TERF2: variants seen among roughly 807,000 people sequenced by gnomAD.
The protein encoded by TERF2 is telomeric repeat binding factor 2, also known as telomeric repeat-binding factor 2.
A neutral mutation model predicts 56.1 loss-of-function variants in TERF2; 16 were observed. That is an observed-to-expected ratio of 0.29 (90% CI 0.19 to 0.43). The LOEUF is 0.43. Ranked by LOEUF, TERF2 falls within the 20% of genes least tolerant of loss-of-function variation. The pLI is 1.00. For missense variants in TERF2, 547 were observed against 712.9 expected (o/e 0.77, Z 2.65); for synonymous variants, 296 against 282.1 (o/e 1.05, Z -0.50).
intron 5 of TERF2, among the ~76,000 whole-genome samples, chr16:69,368,843 A>AT (rs1447735141): frequency 6.6e-6 from 1 of 151,828 alleles, no homozygotes; most frequent in Non-Finnish European, 1.5e-5. Context: ...TGTCCAGTTA[A>AT]TTTTTGTATT....
At chr16:69,378,033 G>T (rs1320569171) in intron 3 of TERF2, among the ~76,000 whole-genome samples, 1 of 152,070 alleles carries the variant, frequency 6.6e-6, no homozygotes, top group Non-Finnish European at 1.5e-5. Context: ...TGTTAGCTGT[G>T]GGCTTTTTGT....
intron 3 of TERF2, among the ~76,000 whole-genome samples, chr16:69,375,535 T>C (rs1224325636): frequency 2.6e-5 from 4 of 152,222 alleles, no homozygotes; most frequent in Non-Finnish European, 4.4e-5. Context: ...CATCTCTATT[T>C]AAAAAACAGA....
intron 3 of TERF2, among the ~76,000 whole-genome samples, chr16:69,380,603 G>A (rs1209613138): frequency 2.0e-5 from 3 of 149,990 alleles, no homozygotes; most frequent in Non-Finnish European, 1.5e-5. Flanking sequence ...CTTGCAGTAA[G>A]CCGAGATCAC....
In TERF2 at chr16:69,370,645, A is replaced by G. The variant is rs757615528; in HGVS notation, c.694-16T>C. 6.3e-7 allele frequency: 1 copy of G among 1,588,858 alleles called. No individual in the cohort carries two copies. Among genetic ancestry groups the G allele is most frequent in the Non-Finnish European group, 8.6e-7 (1 of 1,167,200 alleles). ...TTCTCAGCTTCTACACAATGGACCG[A>G]TATTTGCAACATGAGAAAGTAGAAC... is the stretch of plus-strand genomic sequence containing the variant. On this transcript the variant is annotated splice_polypyrimidine_tract_variant and intron_variant, in intron 4 of 9. Transcript: ENST00000254942.
chr16:69,356,520 G>A lies in TERF2; in HGVS notation c.*378C>T, dbSNP rs532160283. On this transcript the variant is annotated 3_prime_UTR_variant, in exon 10 of 10. Transcript: ENST00000254942. ...CCAGCTTCTGAAAGAAACAGCAGAT[G>A]CCAGGCGCGGTGGCTCATGCCTGTA... 3.1e-4 allele frequency: 83 copies of A among 269,456 alleles called. No individual in the cohort carries two copies. Among genetic ancestry groups the A allele is most frequent in the African/African-American group, 1.8e-3 (78 of 44,416 alleles). The allele number at this position is 269,456 out of a possible 1,614,324, so 16.7% of individuals were successfully genotyped here.
chr16:69,383,904 G>T (rs1020886835), intron 3 of TERF2, among the ~76,000 whole-genome samples: 1 of 152,076 alleles, frequency 6.6e-6, no homozygotes, highest in Non-Finnish European at 1.5e-5. Context: ...GGTTTTGGGG[G>T]AAGAAAAATC....
chr16:69,366,696 G>A (rs2013357682), intron 7 of TERF2, 111 bp downstream of exon 7: 2 of 1,370,534 alleles, frequency 1.5e-6, no homozygotes, highest in South Asian at 1.5e-5. Flanking sequence ...GTCTGAGCAA[G>A]CCTTGGTGGT....
chr16:69,384,799 T>C (rs2014129263), intron 2 of TERF2, 89 bp from the exon 3 acceptor site: 4 of 1,217,836 alleles, frequency 3.3e-6, no homozygotes, highest in Non-Finnish European at 4.4e-6. Flanking sequence ...TTTATGGAAA[T>C]GGAGCATGCA....
At chr16:69,358,529 A>G (rs1288079424) in intron 8 of TERF2, among the ~76,000 whole-genome samples, 2 of 152,226 alleles carry the variant, frequency 1.3e-5, no homozygotes, top group Non-Finnish European at 2.9e-5. Flanking sequence ...ACATATAGGT[A>G]TTAGTGTGTG....
At chr16:69,378,166 C>G (rs2013863073) in intron 3 of TERF2, among the ~76,000 whole-genome samples, 5 of 152,138 alleles carry the variant, frequency 3.3e-5, no homozygotes, top group African/African-American at 1.2e-4. Flanking sequence ...TGGTTTTTCT[C>G]TTAATATGGT....
Position 69,357,457 on chromosome 16 carries a change from C to T in TERF2, c.1470+61G>A, listed in dbSNP as rs987512471. On this transcript the variant is annotated intron_variant, in intron 9 of 9. Coordinates refer to ENST00000254942, the MANE Select transcript of TERF2 (RefSeq NM_005652.5). Reference sequence around the variant, plus strand: ...ACCAGTCTATACCTGTGAGACAGGGCGCGTATTTTACCTCTGCTCTACCCA... The same window carrying T: ...ACCAGTCTATACCTGTGAGACAGGGTGCGTATTTTACCTCTGCTCTACCCA... 55 of 1,414,278 alleles carry T rather than the reference C, an allele frequency of 3.9e-5. No homozygotes were observed. In the Admixed American group the frequency reaches 4.4e-4, roughly 11 times the overall value. 87.6% of individuals were successfully genotyped at this position (1,414,278 alleles called of 1,614,324 possible).
intron 8 of TERF2, 70 bp from the exon 9 acceptor site, chr16:69,357,631 T>C (rs370169685): frequency 1.3e-6 from 2 of 1,569,352 alleles, no homozygotes; most frequent in East Asian, 2.2e-5. Flanking sequence ...GAAAAAGACA[T>C]GGAATGTCCC....
intron 8 of TERF2, among the ~76,000 whole-genome samples, chr16:69,359,252 G>A (rs996124348): frequency 9.2e-5 from 14 of 152,208 alleles, no homozygotes; most frequent in Admixed American, 1.3e-4. Flanking sequence ...TTTTGGCTGG[G>A]TGTGGTGGCT....
chr16:69,360,888 CA>C (rs1034879235), intron 8 of TERF2, among the ~76,000 whole-genome samples: 1 of 151,972 alleles, frequency 6.6e-6, no homozygotes, highest in Non-Finnish European at 1.5e-5. Flanking sequence ...TCTCTTTAAA[CA>C]TAAGGCGTTA....
chr16:69,384,610 G>T lies in TERF2; in HGVS notation c.576C>A (p.Val192=). 3 of 1,613,866 alleles carry T rather than the reference G, an allele frequency of 1.9e-6. No individual in the cohort carries two copies. The highest frequency in any genetic ancestry group is 1.1e-5 in the South Asian group (1 of 91,000). Residue 192 remains valine, a synonymous_variant, in exon 3 of 10, where the codon GTC becomes GTA. Coordinates refer to ENST00000254942, the MANE Select transcript of TERF2 (RefSeq NM_005652.5). ...CCTTGACCAGTTTTCTACTGGATTC[G>T]ACCACTGCTTCTGTCAGTGTAAATT... ...KTEFTLTEAV[V]ESSRKLVKEA...
At chr16:69,377,569 G>A (rs1468540179) in intron 3 of TERF2, among the ~76,000 whole-genome samples, 3 of 152,006 alleles carry the variant, frequency 2.0e-5, no homozygotes, top group Non-Finnish European at 4.4e-5. Flanking sequence ...CTCATAATCC[G>A]CCTGCCTCAG....
intron 3 of TERF2, among the ~76,000 whole-genome samples, chr16:69,383,815 T>C (rs1305011689): frequency 6.6e-6 from 1 of 152,216 alleles, no homozygotes; most frequent in African/African-American, 2.4e-5. Flanking sequence ...ACCATTTCCC[T>C]ATTTTCTACC....
At chr16:69,382,019 T>C (rs1338623719) in intron 3 of TERF2, among the ~76,000 whole-genome samples, 1 of 152,248 alleles carries the variant, frequency 6.6e-6, no homozygotes, top group Non-Finnish European at 1.5e-5. Context: ...ACTACCATCT[T>C]GATCACGCTA....
At chr16:69,374,520 G>A (rs955397809) in intron 3 of TERF2, among the ~76,000 whole-genome samples, 2 of 151,394 alleles carry the variant, frequency 1.3e-5, no homozygotes, top group Admixed American at 6.6e-5. Context: ...TACTCGGGAG[G>A]CAGAGGTAGG....
Sources: gnomAD v4.1 joint callset for allele counts (sites outside exome capture counted in the v4.1 genomes callset) on GRCh38, gnomAD v4.1.1 for gene constraint, MANE v1.5 for transcripts, NCBI Gene and HGNC (gene_info 2026-07-23, HGNC 2026-07-21) for gene names.